BCL2L1: variants seen among roughly 807,000 people sequenced by gnomAD.
BCL2L1 encodes the protein bcl-2-like protein 1.
BCL2L1 carries 1 observed loss-of-function variant against 18.7 expected under a neutral mutation model. The observed-to-expected ratio is 0.05, with a 90% CI of 0.02 to 0.25. The LOEUF (loss-of-function observed/expected upper bound fraction) is 0.25. Ranked by LOEUF, BCL2L1 falls within the 10% of genes least tolerant of loss-of-function variation. BCL2L1 has a pLI of 1.00. For missense variants in BCL2L1, 207 were observed against 304.9 expected, an observed-to-expected ratio of 0.68 and a Z score of 2.39; for synonymous variants, 103 against 122.7, an observed-to-expected ratio of 0.84 and a Z score of 1.06.
intron 2 of BCL2L1, among the ~76,000 whole-genome samples, chr20:31,672,845 C>T (rs1056247806): frequency 3.3e-5 from 5 of 152,130 alleles, no homozygotes; most frequent in Non-Finnish European, 7.3e-5. Context: ...CCTGGCTTCA[C>T]TGCCCACATT....
chr20:31,708,170 C>T (rs996896552), intron 2 of BCL2L1, among the ~76,000 whole-genome samples: 1 of 152,108 alleles, frequency 6.6e-6, no homozygotes. Context: ...CTTTGTTGAC[C>T]CTCAAGGGAA....
intron 2 of BCL2L1, among the ~76,000 whole-genome samples, chr20:31,690,257 A>G (rs2061040197): frequency 1.3e-5 from 2 of 151,556 alleles, no homozygotes; most frequent in Admixed American, 6.6e-5. Flanking sequence ...GCAAATGACT[A>G]ATTTTTTTTT....
intron 2 of BCL2L1, among the ~76,000 whole-genome samples, chr20:31,710,820 G>A (rs1388552812): frequency 6.6e-6 from 1 of 152,238 alleles, no homozygotes; most frequent in East Asian, 1.9e-4. Flanking sequence ...CTTAGGGGCA[G>A]AAACTTTTTT....
chr20:31,670,774 G>C (rs1051620106), intron 2 of BCL2L1, among the ~76,000 whole-genome samples: 1 of 152,190 alleles, frequency 6.6e-6, no homozygotes, highest in African/African-American at 2.4e-5. Flanking sequence ...TGCTGTTCCA[G>C]GGCGGGTGCT....
At chr20:31,704,936 TG>T (rs1568888177) in intron 2 of BCL2L1, among the ~76,000 whole-genome samples, 1 of 152,206 alleles carries the variant, frequency 6.6e-6, no homozygotes, top group African/African-American at 2.4e-5. Context: ...TGTTGGTCTC[TG>T]GGGGTGCAAG....
intron 2 of BCL2L1, among the ~76,000 whole-genome samples, chr20:31,703,154 C>A (rs1265036760): frequency 6.6e-6 from 1 of 151,500 alleles, no homozygotes; most frequent in Non-Finnish European, 1.5e-5. Flanking sequence ...AAGTGATTCT[C>A]CTGCCTCAGC....
intron 2 of BCL2L1, among the ~76,000 whole-genome samples, chr20:31,677,001 A>C (rs1568856256): frequency 6.6e-6 from 1 of 152,040 alleles, no homozygotes; most frequent in Non-Finnish European, 1.5e-5. Context: ...TCCAAGTATC[A>C]GTTGTCTCAT....
rs1354825508 is a variant in BCL2L1, at chr20:31,689,405, A to G, written c.565-23319T>C. ...CAGGAGTTCGAAACCAGCCTGGGAGACATAGTGAGATCCCGTCTCTACAAA... is the reference window on the plus strand; with the variant it reads ...CAGGAGTTCGAAACCAGCCTGGGAGGCATAGTGAGATCCCGTCTCTACAAA... On this transcript the variant is annotated intron_variant, in intron 2 of 2. Coordinates refer to ENST00000307677, the MANE Select transcript of BCL2L1 (RefSeq NM_138578.3). 3.5e-5 allele frequency among the ~76,000 whole-genome samples: 5 copies of G among 144,756 alleles called. No homozygotes were observed. The East Asian group carries it at 1.0e-3, about 30-fold the overall frequency. The allele number at this position is 144,756 out of a possible 152,430, so 95.0% of individuals were successfully genotyped here.
At chr20:31,692,525 C>T (rs1327872334) in intron 2 of BCL2L1, among the ~76,000 whole-genome samples, 2 of 152,174 alleles carry the variant, frequency 1.3e-5, no homozygotes, top group Admixed American at 6.5e-5. Flanking sequence ...CCTGTAATCC[C>T]AGCACTTTGG....
chr20:31,707,596 T>C (rs1269734556), intron 2 of BCL2L1, among the ~76,000 whole-genome samples: 4 of 151,896 alleles, frequency 2.6e-5, no homozygotes, highest in Non-Finnish European at 5.9e-5. Context: ...CTGATCAACA[T>C]GGAGAAACCC....
chr20:31,721,568 C>A (rs2061631368), intron 2 of BCL2L1, 87 bp downstream of exon 2: 9 of 1,456,084 alleles, frequency 6.2e-6, no homozygotes, highest in Non-Finnish European at 6.4e-6. Context: ...TCACCCAACA[C>A]AACAGAAAGA....
intron 2 of BCL2L1, among the ~76,000 whole-genome samples, chr20:31,697,086 A>G (rs1248999274): frequency 6.6e-6 from 1 of 151,576 alleles, no homozygotes; most frequent in Non-Finnish European, 1.5e-5. Flanking sequence ...GCTAGGCATG[A>G]TGGCATGTGC....
At chr20:31,692,733 A>C (rs1014316841) in intron 2 of BCL2L1, among the ~76,000 whole-genome samples, 7 of 151,850 alleles carry the variant, frequency 4.6e-5, no homozygotes, top group African/African-American at 1.7e-4. Context: ...AGATGGTGAA[A>C]CCCCATCTCT....
chr20:31,702,946 C>CAAA (rs750992536), intron 2 of BCL2L1, among the ~76,000 whole-genome samples: 1 of 79,352 alleles, frequency 1.3e-5, no homozygotes. Context: ...GACTCCATCT[C>CAAA]AAAAAAAAAA....
chr20:31,708,904 CA>C (rs2061410199), intron 2 of BCL2L1, among the ~76,000 whole-genome samples: 1 of 152,188 alleles, frequency 6.6e-6, no homozygotes. Context: ...CCAGAGTTGC[CA>C]AAAGGCTTCA....
intron 2 of BCL2L1, among the ~76,000 whole-genome samples, chr20:31,688,555 A>G (rs938248561): frequency 6.6e-6 from 1 of 152,212 alleles, no homozygotes; most frequent in African/African-American, 2.4e-5. Flanking sequence ...GTGTTAAGAA[A>G]AAAGATTCTC....
intron 2 of BCL2L1, among the ~76,000 whole-genome samples, chr20:31,695,072 C>T (rs2122653749): frequency 1.3e-5 from 2 of 152,278 alleles, no homozygotes; most frequent in African/African-American, 4.8e-5. Context: ...CTTTCTCTCT[C>T]ACCTCTTATC....
chr20:31,679,654 GTTA>G (rs2060824475), intron 2 of BCL2L1, among the ~76,000 whole-genome samples: 4 of 152,274 alleles, frequency 2.6e-5, no homozygotes, highest in Admixed American at 6.5e-5. Flanking sequence ...TGCTGCTGTT[GTTA>G]TTATTATCGT....
rs1019673112 is a variant in BCL2L1 at position 31,715,249 on chromosome 20, G to C, written c.564+6406C>G. Among the ~76,000 whole-genome samples the C allele has an allele frequency of 4.7e-5, 7 of 148,816 alleles. No homozygotes were observed. In the East Asian group the frequency reaches 9.8e-4, roughly 21 times the overall value. ...ATCGTGCCACTGCACTCCAGTCTGG[G>C]AGACAGAGAAAGACTCTGTCTCAAA... On this transcript the variant is annotated intron_variant, in intron 2 of 2. Coordinates refer to ENST00000307677, the MANE Select transcript of BCL2L1 (RefSeq NM_138578.3).
Sources: allele counts gnomAD v4.1 joint callset (sites outside exome capture counted in the v4.1 genomes callset), GRCh38; gene constraint gnomAD v4.1.1; transcripts MANE v1.5; gene names NCBI Gene and HGNC (gene_info 2026-07-23, HGNC 2026-07-21).